The following GRK3 variants were observed in gnomAD, a reference collection of about 807,000 sequenced individuals.
GRK3 encodes adrenergic, beta, receptor kinase 2.
In GRK3, 54 loss-of-function variants were observed where a neutral mutation model predicts 95.7. That is an observed-to-expected ratio of 0.56 (90% CI 0.45 to 0.71). The LOEUF (loss-of-function observed/expected upper bound fraction) is 0.71. Among genes scored for constraint, GRK3 ranks in the 30% least tolerant of loss-of-function variants. The pLI, the probability that GRK3 is intolerant of heterozygous loss-of-function variation, is 0.00. For synonymous variants in GRK3, 281 were observed against 290.8 expected (o/e 0.97, Z 0.34); for missense variants, 649 against 851.2 (o/e 0.76, Z 2.96).
At chr22:25,662,600 C>G (rs1489161666) in intron 4 of GRK3, among the ~76,000 whole-genome samples, 2 of 152,184 alleles carry the variant, frequency 1.3e-5, no homozygotes, top group African/African-American at 4.8e-5. Flanking sequence ...GAGGACGTCT[C>G]TTTCTTGCGG....
chr22:25,677,409 A>G (rs559883618), intron 8 of GRK3, among the ~76,000 whole-genome samples: 4 of 146,610 alleles, frequency 2.7e-5, no homozygotes, highest in Non-Finnish European at 6.0e-5. Context: ...AAAGAAAAGG[A>G]AAAAAAAAGA....
chr22:25,712,017 A>T (rs1367364275), intron 17 of GRK3, among the ~76,000 whole-genome samples: 1 of 152,228 alleles, frequency 6.6e-6, no homozygotes, highest in Non-Finnish European at 1.5e-5. Flanking sequence ...AGACTGTGGG[A>T]CAGAAAAGCC....
chr22:25,569,698 C>T (rs16980488), intron 1 of GRK3, among the ~76,000 whole-genome samples: 3,753 of 152,284 alleles, frequency 0.025, 52 homozygotes, highest in East Asian at 0.037. Context: ...GCTAGCAGGA[C>T]GCCTGGCCTC....
chr22:25,651,671 A>G (rs1015698404), intron 3 of GRK3, among the ~76,000 whole-genome samples: 1 of 152,244 alleles, frequency 6.6e-6, no homozygotes, highest in Non-Finnish European at 1.5e-5. Flanking sequence ...AAATCTGATC[A>G]GGAAAGTAAG....
intron 2 of GRK3, among the ~76,000 whole-genome samples, chr22:25,617,283 T>C (rs915548913): frequency 3.3e-5 from 5 of 152,242 alleles, no homozygotes; most frequent in African/African-American, 1.2e-4. Context: ...TTAGTTGTTT[T>C]TGGCTTCTGC....
chr22:25,667,620 A>G, intron 5 of GRK3, 119 bp from the exon 6 acceptor site: 1 of 658,384 alleles, frequency 1.5e-6, no homozygotes, highest in African/African-American at 1.8e-5. Flanking sequence ...CAGGTACCAG[A>G]CACAATGCTA....
chr22:25,694,490 A>G (rs966788306), intron 12 of GRK3, among the ~76,000 whole-genome samples: 4 of 152,218 alleles, frequency 2.6e-5, no homozygotes, highest in Non-Finnish European at 4.4e-5. Context: ...AATCATCTTC[A>G]CATTTGCTTA....
At chr22:25,607,881 T>G (rs567933556) in intron 2 of GRK3, among the ~76,000 whole-genome samples, 1 of 152,194 alleles carries the variant, frequency 6.6e-6, no homozygotes, top group South Asian at 2.1e-4. Context: ...ATGCCCGGCC[T>G]TTAATGGTAT....
At chr22:25,688,109 G>A (rs982704110) in intron 11 of GRK3, among the ~76,000 whole-genome samples, 2 of 151,916 alleles carry the variant, frequency 1.3e-5, no homozygotes, top group Non-Finnish European at 2.9e-5. Flanking sequence ...GGTGGCAGGT[G>A]CCTGTAGTCC....
At chr22:25,607,174 T>C (rs2084456457) in intron 2 of GRK3, among the ~76,000 whole-genome samples, 1 of 152,144 alleles carries the variant, frequency 6.6e-6, no homozygotes, top group Admixed American at 6.6e-5. Flanking sequence ...CATCCCGTCT[T>C]TTTTTGTGGT....
Position 25,704,147 on chromosome 22 carries a change from G to T in GRK3, c.1266G>T (p.Lys422Asn). The change falls in exon 15 of 21, where the codon AAG becomes AAT. Residue 422 changes from lysine to asparagine, a missense_variant. By Grantham distance (94) the Lys-to-Asn change is moderately conservative. Coordinates refer to ENST00000324198, the MANE Select transcript of GRK3 (RefSeq NM_005160.4). Reference protein sequence around the residue: ...ELPDTFSPELKSLLEGLLQRD... With the variant: ...ELPDTFSPELNSLLEGLLQRD... ...CAGACACCTTCTCTCCTGAACTGAA[G>T]TCCCTTTTGGAGGGCTTGCTTCAGC... 6.2e-7 allele frequency: 1 copy of T among 1,613,752 alleles called. No homozygotes were observed. The highest frequency in any genetic ancestry group is 8.5e-7 in the Non-Finnish European group (1 of 1,179,804).
chr22:25,575,334 G>A (rs1051364875), intron 1 of GRK3, among the ~76,000 whole-genome samples: 1 of 152,208 alleles, frequency 6.6e-6, no homozygotes, highest in Non-Finnish European at 1.5e-5. Context: ...AGATGATGGT[G>A]GAGCAGATAG....
chr22:25,611,152 G>T (rs866330272), intron 2 of GRK3, among the ~76,000 whole-genome samples: 1 of 152,096 alleles, frequency 6.6e-6, no homozygotes, highest in Non-Finnish European at 1.5e-5. Flanking sequence ...ATGAGCCACG[G>T]TGTCCGGCCT....
intron 2 of GRK3, among the ~76,000 whole-genome samples, chr22:25,614,786 A>G (rs1275737284): frequency 3.9e-5 from 6 of 152,238 alleles, no homozygotes; most frequent in Admixed American, 1.3e-4. Flanking sequence ...GCAGCTGTGC[A>G]CAAAGATCTC....
intron 3 of GRK3, among the ~76,000 whole-genome samples, chr22:25,659,793 G>A (rs1221421877): frequency 2.0e-5 from 3 of 152,192 alleles, no homozygotes; most frequent in Non-Finnish European, 2.9e-5. Flanking sequence ...CTGTTGTCAA[G>A]TTGGAGCTTA....
intron 1 of GRK3, among the ~76,000 whole-genome samples, chr22:25,600,395 C>A (rs1163123861): frequency 6.6e-6 from 1 of 152,174 alleles, no homozygotes; most frequent in Non-Finnish European, 1.5e-5. Flanking sequence ...CTGCCTCGGC[C>A]TCCCAAAGTG....
intron 3 of GRK3, among the ~76,000 whole-genome samples, chr22:25,650,872 C>T (rs1244346689): frequency 6.6e-6 from 1 of 152,158 alleles, no homozygotes; most frequent in Non-Finnish European, 1.5e-5. Context: ...GTTTTCAAAT[C>T]ATGTTTGAAT....
At chr22:25,567,559 G>C (rs1418096522) in intron 1 of GRK3, among the ~76,000 whole-genome samples, 1 of 152,148 alleles carries the variant, frequency 6.6e-6, no homozygotes, top group Non-Finnish European at 1.5e-5. Flanking sequence ...TTGGTAAAAG[G>C]GATACGGGTC....
At chr22:25,661,367 A>G (rs2084908285) in intron 3 of GRK3, among the ~76,000 whole-genome samples, 1 of 152,212 alleles carries the variant, frequency 6.6e-6, no homozygotes. Flanking sequence ...ATCATAGGGA[A>G]AAAATCCACT....
Sources: allele counts gnomAD v4.1 joint callset (sites outside exome capture counted in the v4.1 genomes callset), GRCh38; gene constraint gnomAD v4.1.1; transcripts MANE v1.5; gene names NCBI Gene and HGNC (gene_info 2026-07-23, HGNC 2026-07-21).